Variants in FBRSL1 observed in about 807,000 individuals in gnomAD.
FBRSL1 encodes the protein fibrosin like 1.
In FBRSL1, 51 loss-of-function variants were observed where a neutral mutation model predicts 89.6. The observed-to-expected ratio is 0.57, with a 90% CI of 0.45 to 0.72. FBRSL1 has a LOEUF of 0.72. Among genes scored for constraint, FBRSL1 ranks in the 30% least tolerant of loss-of-function variants. FBRSL1 has a pLI of 0.00. For synonymous variants in FBRSL1, 779 were observed against 681.1 expected (o/e 1.14, Z -2.24); for missense variants, 1,618 against 1,451.8 (o/e 1.11, Z -1.86).
chr12:132,514,112 T>C (rs1450493292), intron 2 of FBRSL1, among the ~76,000 whole-genome samples: 1 of 152,198 alleles, frequency 6.6e-6, no homozygotes, highest in African/African-American at 2.4e-5. Context: ...GACGATGAGC[T>C]CCGCCTCTGT....
At chr12:132,496,034 C>G (rs2031965135) in intron 1 of FBRSL1, among the ~76,000 whole-genome samples, 1 of 152,246 alleles carries the variant, frequency 6.6e-6, no homozygotes, top group South Asian at 2.1e-4. Flanking sequence ...CCTGTCAGTT[C>G]TTGGCTCAGG....
rs1223368126 is a variant in FBRSL1 at position 132,584,982 on chromosome 12, G to A, written c.*1204G>A. ...CCCTCACCCACATGAGCCCCCCCAT[G>A]CCCTGCCCCCCTTGCGGCCTTTTGT... On this transcript the variant is annotated 3_prime_UTR_variant, in exon 19 of 19. Coordinates refer to ENST00000680143, the MANE Select transcript of FBRSL1 (RefSeq NM_001367871.1). The A allele has an allele frequency of 6.6e-6, 1 of 150,792 alleles. No individual in the cohort carries two copies. Among genetic ancestry groups the A allele is most frequent in the Non-Finnish European group, 1.5e-5 (1 of 67,704 alleles). The allele number at this position is 150,792 out of a possible 1,614,324, so 9.3% of individuals were successfully genotyped here. A position where few individuals can be genotyped will look rare whatever the true frequency, so the allele number is the denominator to read the frequency against.
intron 1 of FBRSL1, among the ~76,000 whole-genome samples, chr12:132,502,699 C>G (rs2033139085): frequency 6.6e-6 from 1 of 151,448 alleles, no homozygotes; most frequent in South Asian, 2.1e-4. Flanking sequence ...TACACCATCC[C>G]CCACCTCCCT....
chr12:132,558,764 T>C (rs1427911024), intron 5 of FBRSL1, among the ~76,000 whole-genome samples: 1 of 152,224 alleles, frequency 6.6e-6, no homozygotes, highest in East Asian at 1.9e-4. Flanking sequence ...CCGCCATGGA[T>C]AGGCCCTGCC....
At chr12:132,507,111 C>A in intron 1 of FBRSL1, 1 of 774,786 alleles carries the variant, frequency 1.3e-6, no homozygotes, top group Non-Finnish European at 1.6e-6. Flanking sequence ...GACACCATGG[C>A]TCTATGCGGG....
At chr12:132,570,779 A>G (rs1253138514) in intron 8 of FBRSL1, among the ~76,000 whole-genome samples, 1 of 152,168 alleles carries the variant, frequency 6.6e-6, no homozygotes, top group Non-Finnish European at 1.5e-5. Flanking sequence ...GCGTGTTCAC[A>G]CTGAGACGGG....
intron 4 of FBRSL1, among the ~76,000 whole-genome samples, chr12:132,541,825 A>T (rs1370725097): frequency 1.3e-5 from 2 of 152,168 alleles, no homozygotes. Context: ...ATCTGGGAAG[A>T]TGGGGTCCCA....
rs766527321 is a variant in FBRSL1 at position 132,490,759 on chromosome 12, C to A, written c.189C>A (p.Thr63=). 9.0e-7 allele frequency: 1 copy of A among 1,112,084 alleles called. No individual in the cohort carries two copies. The highest frequency in any genetic ancestry group is 4.0e-5 in the South Asian group (1 of 24,848). The allele number at this position is 1,112,084 out of a possible 1,614,324, so 68.9% of individuals were successfully genotyped here. ...GAGGCGCCGCCCCCGCGCCCCGCAC[C>A]GCGCGTCCCCCGCGCCGCCGCCGCC... The part of the protein sequence containing the change: ...PPRGAAPAPR[T]ARPPRRRRRE... The change falls in exon 1 of 19, where the codon ACC becomes ACA. Residue 63 remains threonine (T), a synonymous_variant. Transcript: ENST00000680143.
intron 1 of FBRSL1, chr12:132,507,326 A>G: frequency 1.0e-6 from 1 of 985,332 alleles, no homozygotes; most frequent in Non-Finnish European, 1.2e-6. Flanking sequence ...TGGACCCTAA[A>G]CTTGACGCGC....
chr12:132,512,412 C>T (rs1025583255), intron 2 of FBRSL1, among the ~76,000 whole-genome samples: 2 of 152,236 alleles, frequency 1.3e-5, no homozygotes, highest in South Asian at 2.1e-4. Context: ...ATGGAGGGGC[C>T]GAGTCCTGGC....
intron 9 of FBRSL1, 82 bp from the exon 10 acceptor site, chr12:132,572,205 CA>C (rs2040072157): frequency 7.5e-7 from 1 of 1,326,686 alleles, no homozygotes; most frequent in Admixed American, 2.0e-5. Context: ...TGTCACTGCC[CA>C]GCCCGGCCAG....
chr12:132,501,897 C>G (rs913501947), intron 1 of FBRSL1, among the ~76,000 whole-genome samples: 2 of 152,342 alleles, frequency 1.3e-5, no homozygotes, highest in East Asian at 3.9e-4. Context: ...CTGCGTCCCC[C>G]CTTTGGGGAC....
Position 132,490,239 on chromosome 12 carries a change from C to G in FBRSL1, c.-332C>G, listed in dbSNP as rs1409272484. The G allele has an allele frequency of 6.9e-6, 1 of 144,788 alleles. No homozygotes were observed. 9.0% of individuals were successfully genotyped at this position (144,788 alleles called of 1,614,324 possible). ...CGCCTCCCGCCTGCCGCCTGCCGCG[C>G]CCGCCCGGCCCCGCCCGCTCGGCCC... is the stretch of plus-strand genomic sequence containing the variant. On this transcript the variant is annotated 5_prime_UTR_variant, in exon 1 of 19. Transcript: ENST00000680143.
intron 4 of FBRSL1, among the ~76,000 whole-genome samples, chr12:132,536,299 C>T (rs544983182): frequency 1.1e-4 from 15 of 142,424 alleles, no homozygotes; most frequent in South Asian, 4.6e-4. Flanking sequence ...GTGTACATGA[C>T]GGGGTGTGTG....
At chr12:132,492,530 C>G (rs921124161) in intron 1 of FBRSL1, among the ~76,000 whole-genome samples, 5 of 152,206 alleles carry the variant, frequency 3.3e-5, no homozygotes, top group African/African-American at 7.2e-5. Flanking sequence ...GCCCCAGATG[C>G]GTGTGTCAGG....
rs1555293349 is a variant in FBRSL1 at position 132,584,635 on chromosome 12, T to TTC, written c.*857_*858insTC. On this transcript the variant is annotated 3_prime_UTR_variant, in exon 19 of 19. Coordinates refer to ENST00000680143, the MANE Select transcript of FBRSL1 (RefSeq NM_001367871.1). ...CCCCTGGGTCCGTGGAGGGGTTGGG[T>TTC]CCCCCAGCAGAGCCCCTGGGCCAGC... is the stretch of plus-strand genomic sequence containing the variant. 2 of 152,150 alleles carry TTC rather than the reference T, an allele frequency of 1.3e-5. No homozygotes were observed. Among genetic ancestry groups the TTC allele is most frequent in the South Asian group, 4.1e-4 (2 of 4,832 alleles). The allele number at this position is 152,150 out of a possible 1,614,324, so 9.4% of individuals were successfully genotyped here. A position where few individuals can be genotyped will look rare whatever the true frequency, so the allele number is the denominator to read the frequency against.
chr12:132,570,948 GT>G, intron 8 of FBRSL1, 119 bp from the exon 9 acceptor site: 2 of 678,620 alleles, frequency 2.9e-6, no homozygotes, highest in Non-Finnish European at 3.6e-6. Context: ...GAGGCTCCGA[GT>G]CAGCCCGGCC....
chr12:132,523,494 G>A lies in FBRSL1; in HGVS notation c.490-2240G>A, dbSNP rs12579459. On this transcript the variant is annotated intron_variant, in intron 2 of 18. Coordinates refer to ENST00000680143, the MANE Select transcript of FBRSL1 (RefSeq NM_001367871.1). ...TTCCATCTGCGCCCAGCCCTGACCG[G>A]AGGTGGCTTTTGTGTGGGTGTGAAG... Among the ~76,000 whole-genome samples the A allele has an allele frequency of 0.017, 2,633 of 152,166 alleles. 157 individuals are homozygous for A. The East Asian group carries it at 0.18, about 10-fold the overall frequency.
chr12:132,512,037 G>A lies in FBRSL1; in HGVS notation c.489+3687G>A, dbSNP rs578005529. The A allele has an allele frequency of 2.6e-5, 26 of 983,710 alleles. No individual in the cohort carries two copies. In the South Asian group the frequency reaches 6.6e-4, roughly 25 times the overall value. 60.9% of individuals were successfully genotyped at this position (983,710 alleles called of 1,614,324 possible). A position where few individuals can be genotyped will look rare whatever the true frequency, so the allele number is the denominator to read the frequency against. The stretch of plus-strand genomic sequence containing the variant: ...AGGGCTTTTGTGCTGGGCTTGGCTC[G>A]GGATTCATTGCACTCTGACCGAACA... On this transcript the variant is annotated intron_variant, in intron 2 of 18. Transcript: ENST00000680143.
Sources: gnomAD v4.1 joint callset for allele counts (sites outside exome capture counted in the v4.1 genomes callset) on GRCh38, gnomAD v4.1.1 for gene constraint, MANE v1.5 for transcripts, NCBI Gene and HGNC (gene_info 2026-07-23, HGNC 2026-07-21) for gene names.